The following MYBPC1 variants were observed in gnomAD, a reference collection of about 807,000 sequenced individuals.
The protein encoded by MYBPC1 is myosin binding protein C1.
A neutral mutation model predicts 147.1 loss-of-function variants in MYBPC1; 52 were observed. The ratio of observed to expected loss-of-function variants is 0.35; its 90% confidence interval spans 0.28 to 0.45. The LOEUF is 0.45. Ranked by LOEUF, MYBPC1 falls within the 20% of genes least tolerant of loss-of-function variation. MYBPC1 has a pLI of 1.00. For synonymous variants in MYBPC1, 477 were observed against 475.9 expected (o/e 1.00, Z -0.03); for missense variants, 1,228 against 1,440.3 (o/e 0.85, Z 2.39).
rs555482239 is a variant in MYBPC1 at position 101,629,610 on chromosome 12, C to T, written c.289+66C>T. ...AAGGTGAGCCGAGCACGGTGCCTCA[C>T]GCCTGTAATCCCAGCACTCTGGGAG... is the stretch of plus-strand genomic sequence containing the variant. On this transcript the variant is annotated intron_variant, in intron 6 of 31. Transcript: ENST00000361466. 3.5e-5 allele frequency: 40 copies of T among 1,129,416 alleles called. No individual in the cohort carries two copies. The African/African-American group carries it at 5.1e-4, about 14-fold the overall frequency. 70.0% of individuals were successfully genotyped at this position (1,129,416 alleles called of 1,614,324 possible). A position where few individuals can be genotyped will look rare whatever the true frequency, so the allele number is the denominator to read the frequency against.
Position 101,672,960 on chromosome 12 carries a change from G to A in MYBPC1, c.2614-467G>A, listed in dbSNP as rs548747807. ...TGAGATAGGTACTACCATTATTCCCGTTGAGGCACAGAAAGCTTAGTAACT... is the reference window on the plus strand; with the variant it reads ...TGAGATAGGTACTACCATTATTCCCATTGAGGCACAGAAAGCTTAGTAACT... On this transcript the variant is annotated intron_variant, in intron 24 of 31. Transcript: ENST00000361466. Among the ~76,000 whole-genome samples the A allele has an allele frequency of 3.9e-5, 6 of 152,256 alleles. No individual in the cohort carries two copies. In the South Asian group the frequency reaches 6.2e-4, roughly 16 times the overall value.
chr12:101,651,107 G>T, intron 15 of MYBPC1, 124 bp from the exon 16 acceptor site: 1 of 1,017,906 alleles, frequency 9.8e-7, no homozygotes, highest in South Asian at 1.3e-5. Context: ...TAATTGCATT[G>T]GTACAGCTTC....
chr12:101,667,012 G>A (rs1386008766), intron 22 of MYBPC1, among the ~76,000 whole-genome samples: 2 of 151,594 alleles, frequency 1.3e-5, no homozygotes, highest in Non-Finnish European at 1.5e-5. Flanking sequence ...TCTTTCTGTG[G>A]GCAAAATGCA....
At chr12:101,598,699 C>T (rs12302555) in intron 1 of MYBPC1, among the ~76,000 whole-genome samples, 4,430 of 152,196 alleles carry the variant, frequency 0.029, 164 homozygotes, top group African/African-American at 0.084. Context: ...TCAGCCTCCC[C>T]GGTAGCTAGG....
chr12:101,677,218 A>ATT lies in MYBPC1; in HGVS notation c.2950-9_2950-8dup. 6.3e-7 allele frequency: 1 copy of ATT among 1,590,716 alleles called. No homozygotes were observed. Among genetic ancestry groups the ATT allele is most frequent in the Non-Finnish European group, 8.6e-7 (1 of 1,162,062 alleles). On this transcript the variant is annotated splice_polypyrimidine_tract_variant and intron_variant, in intron 26 of 31. Transcript: ENST00000361466. ...TTTAGGTGATTTTCCTCCAGTTATT[A>ATT]TTTTTTTTTCTTTTAGGAATGGTTT...
At chr12:101,595,444 A>AT (rs1356508490) in intron 1 of MYBPC1, among the ~76,000 whole-genome samples, 1 of 152,134 alleles carries the variant, frequency 6.6e-6, no homozygotes, top group African/African-American at 2.4e-5. Context: ...TTAATCACAA[A>AT]TTTTTTACCA....
chr12:101,639,912 G>C (rs769313217), intron 10 of MYBPC1, among the ~76,000 whole-genome samples: 1 of 151,712 alleles, frequency 6.6e-6, no homozygotes, highest in Non-Finnish European at 1.5e-5. Flanking sequence ...TTATAGTCTG[G>C]GGACTATATT....
At chr12:101,692,673 T>C in the MYBPC1 span, among the ~76,000 whole-genome samples, 4 of 126,882 alleles carry the variant, frequency 3.2e-5, no homozygotes. Context: ...TATGTTAAGA[T>C]AAGGGGGAAA....
intron 26 of MYBPC1, 118 bp downstream of exon 26, chr12:101,675,549 T>C: frequency 3.4e-6 from 5 of 1,458,978 alleles, no homozygotes; most frequent in Non-Finnish European, 4.8e-6. Context: ...AGAAGTGATG[T>C]GGCAGAGCAG....
chr12:101,692,148 T>C, the MYBPC1 span, among the ~76,000 whole-genome samples: 5 of 151,898 alleles, frequency 3.3e-5, no homozygotes, highest in Admixed American at 1.3e-4. Flanking sequence ...GGGAGGAGAA[T>C]TGGGGAAGAG....
At chr12:101,625,395 C>T (rs759568100) in intron 3 of MYBPC1, among the ~76,000 whole-genome samples, 5 of 152,256 alleles carry the variant, frequency 3.3e-5, no homozygotes, top group African/African-American at 7.2e-5. Context: ...TGGTGAAATG[C>T]TATGCGCATT....
chr12:101,614,513 C>G lies in MYBPC1; in HGVS notation c.43C>G (p.Pro15Ala). The change falls in exon 2 of 32, where the codon CCA becomes GCA. Residue 15 changes from proline (P) to alanine (A), a missense_variant. Around this residue, in one of 2 missense-constraint regions of MYBPC1, gnomAD observed 151 missense variants for 126.1 expected, o/e 1.20. Transcript: ENST00000361466. ...TKKEENEVPAPAPPPEEPSKE... is the reference protein window; with the variant it reads ...TKKEENEVPAAAPPPEEPSKE... The stretch of plus-strand genomic sequence containing the variant: ...ATTTCTAGAAAATGAAGTGCCAGCC[C>G]CAGCCCCACCCCCGGAAGGTGAGTA... 1.2e-6 allele frequency: 2 copies of G among 1,613,804 alleles called. No homozygotes were observed. The highest frequency in any genetic ancestry group is 1.7e-6 in the Non-Finnish European group (2 of 1,179,946).
intron 23 of MYBPC1, among the ~76,000 whole-genome samples, chr12:101,668,503 C>T (rs1310036067): frequency 1.3e-5 from 2 of 152,038 alleles, no homozygotes; most frequent in African/African-American, 4.8e-5. Context: ...CTCTTGTTGC[C>T]CAGGCTGGAG....
rs1238175811 is a variant in MYBPC1 at position 101,632,153 on chromosome 12, T to G, written c.556+15T>G. 7 of 1,546,240 alleles carry G rather than the reference T, an allele frequency of 4.5e-6. No homozygotes were observed. In the East Asian group the frequency reaches 1.6e-4, roughly 35 times the overall value. On this transcript the variant is annotated intron_variant, in intron 8 of 31. Coordinates refer to ENST00000361466, the MANE Select transcript of MYBPC1 (RefSeq NM_002465.4). Reference sequence around the variant, plus strand: ...TGAAGTGCACGGTAAGAGAGCCTTCTTGCCTAGATAAATGTAATTTTTTAA... The same window carrying G: ...TGAAGTGCACGGTAAGAGAGCCTTCGTGCCTAGATAAATGTAATTTTTTAA...
At chr12:101,631,167 C>T (rs1889804802) in intron 6 of MYBPC1, among the ~76,000 whole-genome samples, 1 of 151,924 alleles carries the variant, frequency 6.6e-6, no homozygotes, top group South Asian at 2.1e-4. Context: ...GAAAAAAATT[C>T]AATTTTTTCA....
At chr12:101,599,866 A>G (rs919443084) in intron 1 of MYBPC1, among the ~76,000 whole-genome samples, 2 of 152,162 alleles carry the variant, frequency 1.3e-5, no homozygotes, top group African/African-American at 4.8e-5. Context: ...TTCATGGCAT[A>G]TATTTGAGCT....
Position 101,684,385 on chromosome 12 carries a change from T to C in MYBPC1, c.3496T>C (p.Leu1166=). 1 of 1,586,406 alleles carries C rather than the reference T, an allele frequency of 6.3e-7. No individual in the cohort carries two copies. The highest frequency in any genetic ancestry group is 8.6e-7 in the Non-Finnish European group (1 of 1,163,096). The change falls in exon 31 of 32, where the codon TTG becomes CTG. Residue 1166 remains leucine (L), a synonymous_variant. Coordinates refer to ENST00000361466, the MANE Select transcript of MYBPC1 (RefSeq NM_002465.4). ...TCCCTCTTTCTCTTTTCCTTAGTCA[T>C]TGCACAATAAGGATTTTTGAATGTA... ...PVFLEGQQQS[L]HNKDF
At chr12:101,661,301 A>G (rs1347637306) in intron 20 of MYBPC1, 39 bp downstream of exon 20, 7 of 1,312,956 alleles carry the variant, frequency 5.3e-6, no homozygotes, top group Non-Finnish European at 7.7e-6. Context: ...CTGCCAGTAC[A>G]GTTGTGTCCT....
At chr12:101,618,155 A>G (rs1886556368) in intron 3 of MYBPC1, among the ~76,000 whole-genome samples, 1 of 152,232 alleles carries the variant, frequency 6.6e-6, no homozygotes, top group African/African-American at 2.4e-5. Flanking sequence ...TTGATGTGTC[A>G]TATTTCATTA....
Sources: allele counts gnomAD v4.1 joint callset (sites outside exome capture counted in the v4.1 genomes callset), GRCh38; gene constraint gnomAD v4.1.1; regional missense constraint gnomAD v4.1.1; transcripts MANE v1.5; gene names NCBI Gene and HGNC (gene_info 2026-07-23, HGNC 2026-07-21).